METTL15: variants seen among roughly 807,000 people sequenced by gnomAD.
The protein encoded by METTL15 is methyltransferase 15, mitochondrial 12S rRNA N4-cytidine.
A neutral mutation model predicts 38.3 loss-of-function variants in METTL15; 34 were observed. The ratio of observed to expected loss-of-function variants is 0.89; its 90% CI spans 0.68 to 1.18. The LOEUF (loss-of-function observed/expected upper bound fraction) is 1.18, where lower values mean the gene tolerates loss of function less well. Ranked by LOEUF, METTL15 falls within the 50% of genes most tolerant of loss-of-function variation. The pLI, the probability that METTL15 is intolerant of heterozygous loss-of-function variation, is 0.00. For missense variants in METTL15, 438 were observed against 498.4 expected, an observed-to-expected ratio of 0.88 and a Z score of 1.15; for synonymous variants, 162 against 170.9, an observed-to-expected ratio of 0.95 and a Z score of 0.41.
At chr11:28,430,296 C>T (rs1257210376) in intron 6 of METTL15, among the ~76,000 whole-genome samples, 19 of 137,828 alleles carry the variant, frequency 1.4e-4, no homozygotes, top group African/African-American at 2.6e-4. Flanking sequence ...CCCCCCCGCC[C>T]GGCCAGCCGT....
At chr11:28,378,987 G>C (rs1850353186) in intron 5 of METTL15, among the ~76,000 whole-genome samples, 1 of 151,504 alleles carries the variant, frequency 6.6e-6, no homozygotes, top group Non-Finnish European at 1.5e-5. Context: ...ATTTTTCCTA[G>C]GTTTTCTAAT....
intron 6 of METTL15, among the ~76,000 whole-genome samples, chr11:28,322,765 C>T (rs7102328): frequency 1 from 151,679 of 152,256 alleles, 75,558 homozygotes; most frequent in Non-Finnish European, 1. Context: ...ACAGTTCACA[C>T]GTTTATTGCA....
intron 5 of METTL15, among the ~76,000 whole-genome samples, chr11:28,391,061 A>T (rs1590357863): frequency 6.6e-6 from 1 of 152,184 alleles, no homozygotes; most frequent in East Asian, 1.9e-4. Context: ...AATGCTTGTG[A>T]TTTTTGTACA....
chr11:28,143,561 C>G (rs1038463839), intron 3 of METTL15, among the ~76,000 whole-genome samples: 1 of 152,074 alleles, frequency 6.6e-6, no homozygotes, highest in African/African-American at 2.4e-5. Context: ...GTACTATTTA[C>G]GTTGATGTAA....
intron 6 of METTL15, among the ~76,000 whole-genome samples, chr11:28,445,632 A>G (rs569108175): frequency 6.6e-6 from 1 of 152,160 alleles, no homozygotes; most frequent in Non-Finnish European, 1.5e-5. Flanking sequence ...GGCATTTTTG[A>G]AGATTATAAA....
chr11:28,273,362 A>T (rs1855720861), intron 4 of METTL15, among the ~76,000 whole-genome samples: 4 of 152,134 alleles, frequency 2.6e-5, no homozygotes, highest in Admixed American at 2.6e-4. Context: ...GAACATTCCT[A>T]AGGGACTTAC....
intron 3 of METTL15, among the ~76,000 whole-genome samples, chr11:28,113,809 A>G (rs981493705): frequency 6.6e-6 from 1 of 152,180 alleles, no homozygotes; most frequent in African/African-American, 2.4e-5. Context: ...AACTTTCAGG[A>G]CAATATTCAT....
chr11:28,430,596 G>C (rs1850913357), intron 6 of METTL15, among the ~76,000 whole-genome samples: 1 of 47,034 alleles, frequency 2.1e-5, no homozygotes, highest in Non-Finnish European at 4.8e-5. Context: ...CGGGAGGGAG[G>C]TGGGGGGGTC....
chr11:28,467,687 A>G (rs1851268305), intron 6 of METTL15, among the ~76,000 whole-genome samples: 1 of 152,304 alleles, frequency 6.6e-6, no homozygotes, highest in East Asian at 1.9e-4. Context: ...CAAGTGCCAT[A>G]GTAAGGACCA....
At chr11:28,304,156 C>T (rs1004039072) in intron 6 of METTL15, among the ~76,000 whole-genome samples, 1 of 152,056 alleles carries the variant, frequency 6.6e-6, no homozygotes, top group African/African-American at 2.4e-5. Context: ...TGTGGACTTC[C>T]ATTTCCAATT....
At chr11:28,456,600 C>T (rs1851171187) in intron 6 of METTL15, among the ~76,000 whole-genome samples, 1 of 151,908 alleles carries the variant, frequency 6.6e-6, no homozygotes. Context: ...GCCACCATGC[C>T]CTGTTAATTT....
chr11:28,355,857 G>T (rs1175520880), intron 4 of METTL15, among the ~76,000 whole-genome samples: 1 of 152,104 alleles, frequency 6.6e-6, no homozygotes, highest in African/African-American at 2.4e-5. Flanking sequence ...ATATATCATT[G>T]CTACAGGGTT....
intron 4 of METTL15, among the ~76,000 whole-genome samples, chr11:28,237,731 G>T (rs530955726): frequency 1.2e-4 from 18 of 152,270 alleles, no homozygotes; most frequent in Admixed American, 7.2e-4. Context: ...ATCTTTGGTG[G>T]TTTTATCTAC....
intron 6 of METTL15, among the ~76,000 whole-genome samples, chr11:28,500,024 T>C (rs947505598): frequency 7.0e-6 from 1 of 143,480 alleles, no homozygotes; most frequent in African/African-American, 2.5e-5. Context: ...TTTTTTTTTG[T>C]CTGTGGCAAA....
rs1162457375 is a variant in METTL15 at position 28,454,686 on chromosome 11, C to T, written c.*424+30322C>T. ...CTTAACTTATAGTCTTTGGTAAATG[C>T]GCTTATATCAACATATTCAGACTGA... is the stretch of plus-strand genomic sequence containing the variant. On this transcript the variant is annotated intron_variant and NMD_transcript_variant, in intron 6 of 7. Coordinates refer to the METTL15 transcript ENST00000532947. Among the ~76,000 whole-genome samples, 10 of 152,246 alleles carry T rather than the reference C, an allele frequency of 6.6e-5. No individual in the cohort carries two copies. In the South Asian group the frequency reaches 1.0e-3, roughly 16 times the overall value.
chr11:28,312,302 A>G (rs1857332062), intron 6 of METTL15, among the ~76,000 whole-genome samples: 1 of 152,220 alleles, frequency 6.6e-6, no homozygotes, highest in East Asian at 1.9e-4. Context: ...GAGACAGCAT[A>G]TATATAACAA....
intron 6 of METTL15, among the ~76,000 whole-genome samples, chr11:28,468,455 T>A (rs914585687): frequency 6.6e-6 from 1 of 152,190 alleles, no homozygotes; most frequent in Non-Finnish European, 1.5e-5. Flanking sequence ...GGCTACCTAA[T>A]TTAACTGGTT....
At chr11:28,514,550 G>C (rs1442759646) in intron 6 of METTL15, among the ~76,000 whole-genome samples, 1 of 152,100 alleles carries the variant, frequency 6.6e-6, no homozygotes, top group Non-Finnish European at 1.5e-5. Flanking sequence ...GTTTTGAATT[G>C]CTATTACTTG....
chr11:28,375,344 G>T (rs370823430), intron 5 of METTL15, among the ~76,000 whole-genome samples: 2 of 151,392 alleles, frequency 1.3e-5, no homozygotes, highest in Non-Finnish European at 2.9e-5. Context: ...TAATTTCAGA[G>T]CCTGTTATTG....
Sources: gnomAD v4.1 joint callset for allele counts (sites outside exome capture counted in the v4.1 genomes callset) on GRCh38, gnomAD v4.1.1 for gene constraint, MANE v1.5 for transcripts, NCBI Gene and HGNC (gene_info 2026-07-23, HGNC 2026-07-21) for gene names.